Variants in PTPRN2 observed in about 807,000 individuals in gnomAD.
The protein encoded by PTPRN2 is protein tyrosine phosphatase receptor type N2.
PTPRN2 carries 74 observed loss-of-function variants against 118.8 expected under a neutral mutation model. The observed-to-expected ratio is 0.62, with a 90% CI of 0.52 to 0.76. The LOEUF (loss-of-function observed/expected upper bound fraction) is 0.76, where lower values mean the gene tolerates loss of function less well. Among genes scored for constraint, PTPRN2 ranks in the 30% least tolerant of loss-of-function variants. The pLI is 0.00. For synonymous variants in PTPRN2, 641 were observed against 608.0 expected, an observed-to-expected ratio of 1.05 and a Z score of -0.80; for missense variants, 1,481 against 1,394.4, an observed-to-expected ratio of 1.06 and a Z score of -0.99.
intron 12 of PTPRN2, among the ~76,000 whole-genome samples, chr7:157,743,697 T>C (rs1326798151): frequency 6.6e-6 from 1 of 152,040 alleles, no homozygotes; most frequent in East Asian, 1.9e-4. Context: ...ATCTCCAGGT[T>C]GGCTGAGCTG....
intron 2 of PTPRN2, among the ~76,000 whole-genome samples, chr7:158,366,801 A>G (rs1809566498): frequency 6.6e-6 from 1 of 152,230 alleles, no homozygotes; most frequent in African/African-American, 2.4e-5. Flanking sequence ...CCAAAGCTGC[A>G]GTCGTTTAGC....
At chr7:158,510,884 C>G (rs73729661) in intron 1 of PTPRN2, among the ~76,000 whole-genome samples, 1 of 152,204 alleles carries the variant, frequency 6.6e-6, no homozygotes, top group Non-Finnish European at 1.5e-5. Context: ...CGACATGTGT[C>G]GAGTTCCCAG....
intron 12 of PTPRN2, among the ~76,000 whole-genome samples, chr7:157,752,348 CCT>C (rs1801523791): frequency 6.6e-6 from 1 of 152,232 alleles, no homozygotes; most frequent in Admixed American, 6.5e-5. Context: ...AGCTTCCCAT[CCT>C]CTGAGAGCCC....
chr7:158,113,334 G>A (rs886309070), intron 9 of PTPRN2, among the ~76,000 whole-genome samples: 1 of 152,146 alleles, frequency 6.6e-6, no homozygotes, highest in Non-Finnish European at 1.5e-5. Flanking sequence ...CACTGTAAGA[G>A]CTGCCCAGGG....
Position 158,348,357 on chromosome 7 carries a change from C to A in PTPRN2, c.164-31425G>T, listed in dbSNP as rs879648990. On this transcript the variant is annotated intron_variant, in intron 2 of 22. Coordinates refer to ENST00000389418, the MANE Select transcript of PTPRN2 (RefSeq NM_002847.5). ...GTCCCCATTCACAGCCCCAGAGCCA[C>A]CCTGGGGTCCCCATTCACAGCCCCA... is the stretch of plus-strand genomic sequence containing the variant. Among the ~76,000 whole-genome samples the A allele has an allele frequency of 8.0e-5, 9 of 112,164 alleles. 1 individual carries two copies. The highest frequency in any genetic ancestry group is 2.6e-4 in the Admixed American group (3 of 11,760). 73.6% of individuals were successfully genotyped at this position (112,164 alleles called of 152,430 possible). A position where few individuals can be genotyped will look rare whatever the true frequency, so the allele number is the denominator to read the frequency against.
At chr7:157,594,015 C>T (rs554606380) in intron 17 of PTPRN2, among the ~76,000 whole-genome samples, 11 of 152,346 alleles carry the variant, frequency 7.2e-5, no homozygotes, top group Middle Eastern at 3.4e-3. Flanking sequence ...CAGATCCTGG[C>T]GTCATCCGAG....
At chr7:157,971,614 C>T (rs1802338082) in intron 11 of PTPRN2, among the ~76,000 whole-genome samples, 1 of 152,106 alleles carries the variant, frequency 6.6e-6, no homozygotes, top group African/African-American at 2.4e-5. Flanking sequence ...AAAACTGCCA[C>T]CCTGTTTTAC....
chr7:158,111,338 G>T (rs775654951), intron 9 of PTPRN2, among the ~76,000 whole-genome samples: 1 of 152,208 alleles, frequency 6.6e-6, no homozygotes, highest in African/African-American at 2.4e-5. Context: ...CAATGGAAGT[G>T]TGAGCATGGA....
chr7:158,189,893 C>T (rs564138881), intron 5 of PTPRN2, among the ~76,000 whole-genome samples: 1 of 152,152 alleles, frequency 6.6e-6, no homozygotes, highest in Non-Finnish European at 1.5e-5. Context: ...TGCTAAATTA[C>T]CAACGTTCAA....
intron 17 of PTPRN2, among the ~76,000 whole-genome samples, chr7:157,586,564 C>T (rs944391783): frequency 6.6e-6 from 1 of 152,274 alleles, no homozygotes; most frequent in Admixed American, 6.5e-5. Flanking sequence ...TGCCAGACAC[C>T]GGGTCTGTCC....
chr7:158,419,404 A>ACCATTGCAAGAATTCCG (rs1563271158), intron 2 of PTPRN2, among the ~76,000 whole-genome samples: 2 of 2,478 alleles, frequency 8.1e-4, no homozygotes, highest in Non-Finnish European at 1.7e-3. Flanking sequence ...CAAGAATTCC[A>ACCATTGCAAGAATTCCG]TCATTGCAAG....
chr7:157,847,509 T>G (rs1490824778), intron 12 of PTPRN2, among the ~76,000 whole-genome samples: 191 of 140,552 alleles, frequency 1.4e-3, no homozygotes, highest in African/African-American at 5.0e-3. Flanking sequence ...CACTCCATCA[T>G]GCGTGCCCGA....
At chr7:157,767,371 G>T (rs1802546134) in intron 12 of PTPRN2, among the ~76,000 whole-genome samples, 1 of 152,202 alleles carries the variant, frequency 6.6e-6, no homozygotes, top group Non-Finnish European at 1.5e-5. Context: ...GAGACTGACT[G>T]CCATGTTATC....
intron 2 of PTPRN2, among the ~76,000 whole-genome samples, chr7:158,383,850 T>C (rs1180074338): frequency 6.6e-6 from 1 of 152,192 alleles, no homozygotes; most frequent in East Asian, 1.9e-4. Flanking sequence ...GTTAATGACT[T>C]TTTTACAGAA....
intron 3 of PTPRN2, among the ~76,000 whole-genome samples, chr7:158,209,904 A>T (rs1827456913): frequency 6.6e-6 from 1 of 152,198 alleles, no homozygotes; most frequent in African/African-American, 2.4e-5. Context: ...AAATTTTGGA[A>T]ACTATACAAA....
At chr7:158,241,548 T>C (rs1369004449) in intron 3 of PTPRN2, among the ~76,000 whole-genome samples, 2 of 152,022 alleles carry the variant, frequency 1.3e-5, no homozygotes, top group African/African-American at 4.8e-5. Flanking sequence ...AAATTTAAAT[T>C]TAAATTTTAA....
intron 1 of PTPRN2, among the ~76,000 whole-genome samples, chr7:158,498,341 T>C (rs1453052935): frequency 6.6e-6 from 1 of 152,254 alleles, no homozygotes; most frequent in Non-Finnish European, 1.5e-5. Flanking sequence ...AGGTTCCTAA[T>C]TGCACAGATT....
intron 10 of PTPRN2, among the ~76,000 whole-genome samples, chr7:158,082,203 T>G (rs942311684): frequency 6.6e-6 from 1 of 152,160 alleles, no homozygotes; most frequent in African/African-American, 2.4e-5. Context: ...TGCTTCCTGG[T>G]CCCTGGGAGG....
At chr7:158,421,550 G>A (rs551381895) in intron 2 of PTPRN2, among the ~76,000 whole-genome samples, 17 of 152,338 alleles carry the variant, frequency 1.1e-4, no homozygotes, top group African/African-American at 3.4e-4. Context: ...AGAAAGAAAC[G>A]CAGCAGATGG....
Sources: gnomAD v4.1 joint callset for allele counts (sites outside exome capture counted in the v4.1 genomes callset) on GRCh38, gnomAD v4.1.1 for gene constraint, MANE v1.5 for transcripts, NCBI Gene and HGNC (gene_info 2026-07-23, HGNC 2026-07-21) for gene names.